RARB: variants seen among roughly 807,000 people sequenced by gnomAD.
RARB encodes the protein HBV-activated protein.
In RARB, 17 loss-of-function variants were observed where a neutral mutation model predicts 51.9. The ratio of observed to expected loss-of-function variants is 0.33; its 90% CI spans 0.22 to 0.49. The LOEUF is 0.49. Ranked by LOEUF, RARB falls within the 20% of genes least tolerant of loss-of-function variation. RARB has a pLI of 0.99. For missense variants in RARB, 369 were observed against 550.8 expected, an observed-to-expected ratio of 0.67 and a Z score of 3.30; for synonymous variants, 215 against 195.4, an observed-to-expected ratio of 1.10 and a Z score of -0.84.
intron 5 of RARB, among the ~76,000 whole-genome samples, chr3:25,419,025 G>T (rs2125505506): frequency 6.9e-6 from 1 of 144,988 alleles, no homozygotes; most frequent in African/African-American, 2.5e-5. Flanking sequence ...AAGACCCAAA[G>T]AAATAGGTAA....
At chr3:24,915,515 A>G (rs1695088102) in intron 2 of RARB, among the ~76,000 whole-genome samples, 1 of 152,196 alleles carries the variant, frequency 6.6e-6, no homozygotes, top group African/African-American at 2.4e-5. Context: ...GCTCCAGACC[A>G]AAGACTGCTC....
chr3:25,115,673 C>T (rs1350079967), intron 3 of RARB, among the ~76,000 whole-genome samples: 1 of 143,846 alleles, frequency 7.0e-6, no homozygotes, highest in Non-Finnish European at 1.5e-5. Flanking sequence ...CCTTTCCTTT[C>T]CTCTTTCCTT....
At chr3:25,035,790 A>G (rs1697979853) in intron 2 of RARB, among the ~76,000 whole-genome samples, 1 of 152,216 alleles carries the variant, frequency 6.6e-6, no homozygotes, top group Non-Finnish European at 1.5e-5. Context: ...GCTGTGTTCC[A>G]GTAAAACTTT....
At chr3:25,012,403 C>T (rs952845311) in intron 2 of RARB, among the ~76,000 whole-genome samples, 1 of 152,090 alleles carries the variant, frequency 6.6e-6, no homozygotes, top group Non-Finnish European at 1.5e-5. Context: ...TTGATTGGGG[C>T]AACAGAATGA....
At chr3:25,301,140 G>A (rs547191722) in intron 5 of RARB, among the ~76,000 whole-genome samples, 4 of 152,152 alleles carry the variant, frequency 2.6e-5, no homozygotes, top group Non-Finnish European at 5.9e-5. Flanking sequence ...TTATGATGGG[G>A]TTATCAGGGT....
At chr3:24,935,031 C>T (rs944266924) in intron 2 of RARB, among the ~76,000 whole-genome samples, 16 of 152,036 alleles carry the variant, frequency 1.1e-4, no homozygotes, top group African/African-American at 3.9e-4. Flanking sequence ...GTTTACATCC[C>T]TTTTGGACTA....
chr3:25,407,302 A>G (rs1559387994), intron 5 of RARB, among the ~76,000 whole-genome samples: 1 of 152,232 alleles, frequency 6.6e-6, no homozygotes, highest in Non-Finnish European at 1.5e-5. Flanking sequence ...CTTTAGAAAA[A>G]GACCGCAAAT....
chr3:25,204,144 C>T (rs1183879474), intron 5 of RARB, among the ~76,000 whole-genome samples: 1 of 152,084 alleles, frequency 6.6e-6, no homozygotes, highest in East Asian at 1.9e-4. Context: ...ACTCTTTTTT[C>T]TCTAACTTCT....
chr3:25,358,883 G>C (rs1382233303), intron 5 of RARB, among the ~76,000 whole-genome samples: 2 of 151,838 alleles, frequency 1.3e-5, no homozygotes, highest in African/African-American at 4.8e-5. Flanking sequence ...CAGTTTGCCA[G>C]TATTTTATTG....
chr3:25,142,027 G>T (rs1700114772), intron 4 of RARB, among the ~76,000 whole-genome samples: 1 of 152,226 alleles, frequency 6.6e-6, no homozygotes, highest in Non-Finnish European at 1.5e-5. Context: ...TCACCTGAGA[G>T]CTTGTTAGAC....
At chr3:25,526,435 T>G (rs1019925329) in intron 3 of RARB, among the ~76,000 whole-genome samples, 5 of 152,154 alleles carry the variant, frequency 3.3e-5, no homozygotes, top group Admixed American at 3.3e-4. Flanking sequence ...TTCTACTGTG[T>G]GGAGAATAGA....
At chr3:25,063,693 C>A (rs1279131446) in intron 3 of RARB, among the ~76,000 whole-genome samples, 1 of 150,844 alleles carries the variant, frequency 6.6e-6, no homozygotes, top group Non-Finnish European at 1.5e-5. Context: ...GGTCCGTAGA[C>A]CTTGTAGTTT....
intron 5 of RARB, among the ~76,000 whole-genome samples, chr3:25,186,431 A>G (rs1700975512): frequency 6.6e-6 from 1 of 152,090 alleles, no homozygotes; most frequent in Non-Finnish European, 1.5e-5. Context: ...TCAACCAAAC[A>G]ATTTTACCTC....
At chr3:25,143,516 A>G (rs1255681609) in intron 4 of RARB, among the ~76,000 whole-genome samples, 1 of 152,318 alleles carries the variant, frequency 6.6e-6, no homozygotes, top group East Asian at 1.9e-4. Context: ...TGTGTGTCAC[A>G]CAAGCTCAGG....
chr3:25,493,305 A>G (rs1696840219), intron 2 of RARB, among the ~76,000 whole-genome samples: 2 of 152,072 alleles, frequency 1.3e-5, no homozygotes, highest in South Asian at 4.2e-4. Flanking sequence ...AACTTCTCAG[A>G]CGTTGTCACG....
At chr3:24,849,019 A>G (rs1350041202) in intron 1 of RARB, among the ~76,000 whole-genome samples, 2 of 152,224 alleles carry the variant, frequency 1.3e-5, no homozygotes, top group East Asian at 1.9e-4. Flanking sequence ...TGTTCTGGCT[A>G]TAGTAGTCCA....
chr3:25,132,122 C>T (rs907397546), intron 3 of RARB, among the ~76,000 whole-genome samples: 5 of 151,848 alleles, frequency 3.3e-5, no homozygotes, highest in Non-Finnish European at 5.9e-5. Flanking sequence ...AGAACCTAAG[C>T]GATGATCTAA....
intron 2 of RARB, among the ~76,000 whole-genome samples, chr3:24,879,604 C>G (rs1703117488): frequency 6.6e-6 from 1 of 150,684 alleles, no homozygotes; most frequent in Non-Finnish European, 1.5e-5. Context: ...GGGAGTTTCA[C>G]TTGAGGCCAG....
intron 5 of RARB, among the ~76,000 whole-genome samples, chr3:25,370,884 ACTTTC>A (rs1706278028): frequency 6.6e-6 from 1 of 152,162 alleles, no homozygotes; most frequent in Non-Finnish European, 1.5e-5. Flanking sequence ...TAGGAGAGAA[ACTTTC>A]CTTTCCTCTT....
Sources: gnomAD v4.1 joint callset for allele counts (sites outside exome capture counted in the v4.1 genomes callset) on GRCh38, gnomAD v4.1.1 for gene constraint, MANE v1.5 for transcripts, NCBI Gene and HGNC (gene_info 2026-07-23, HGNC 2026-07-21) for gene names.